Variants in ICA1L observed in about 807,000 individuals in gnomAD.
ICA1L encodes the protein islet cell autoantigen 1 like, also known as islet cell autoantigen 1-like protein.
In ICA1L, 50 loss-of-function variants were observed where a neutral mutation model predicts 61.3. The ratio of observed to expected loss-of-function variants is 0.82; its 90% confidence interval spans 0.65 to 1.03. The LOEUF (loss-of-function observed/expected upper bound fraction) is 1.03, where lower values mean the gene tolerates loss of function less well. Among genes scored for constraint, ICA1L ranks in the 50% least tolerant of loss-of-function variants. The pLI is 0.00. For synonymous variants in ICA1L, 161 were observed against 191.3 expected (o/e 0.84, Z 1.31); for missense variants, 508 against 556.7 (o/e 0.91, Z 0.88).
In ICA1L at chr2:202,774,059, T is replaced by C. The variant is rs1327779361; in HGVS notation, c.*5474A>G. On this transcript the variant is annotated 3_prime_UTR_variant, in exon 13 of 13. Coordinates refer to ENST00000358299, the MANE Select transcript of ICA1L (RefSeq NM_001288622.3). Reference sequence around the variant, plus strand: ...CTCCACTTCTTGCTTCTTTGATGTGTCATCCTAGCTGCCTAATATGATAAT... The same window carrying C: ...CTCCACTTCTTGCTTCTTTGATGTGCCATCCTAGCTGCCTAATATGATAAT... The C allele has an allele frequency of 3.1e-6, 3 of 958,810 alleles. No individual in the cohort carries two copies. The highest frequency in any genetic ancestry group is 3.3e-5 in the African/African-American group (2 of 60,734). The allele number at this position is 958,810 out of a possible 1,614,324, so 59.4% of individuals were successfully genotyped here.
At chr2:202,814,133 C>T (rs956749887) in intron 8 of ICA1L, among the ~76,000 whole-genome samples, 1 of 152,148 alleles carries the variant, frequency 6.6e-6, no homozygotes, top group Non-Finnish European at 1.5e-5. Flanking sequence ...AAACAAATTG[C>T]TAAGATCTGA....
At chr2:202,870,688 A>G (rs1330268123) in intron 1 of ICA1L, 1 of 152,202 alleles carries the variant, frequency 6.6e-6, no homozygotes, top group African/African-American at 2.4e-5. Flanking sequence ...CAATACATAA[A>G]TACTTTTGGG....
chr2:202,812,099 G>C (rs1357444260), intron 8 of ICA1L, among the ~76,000 whole-genome samples: 1 of 152,150 alleles, frequency 6.6e-6, no homozygotes, highest in Non-Finnish European at 1.5e-5. Flanking sequence ...TCATTTTCAA[G>C]CCTTGAAAGG....
chr2:202,844,420 A>G (rs1694413425), intron 1 of ICA1L: 1 of 152,172 alleles, frequency 6.6e-6, no homozygotes, highest in Non-Finnish European at 1.5e-5. Context: ...AAAATAAAAA[A>G]TAAACAAATA....
intron 5 of ICA1L, among the ~76,000 whole-genome samples, chr2:202,818,326 G>C (rs904895680): frequency 4.6e-5 from 7 of 152,102 alleles, no homozygotes; most frequent in African/African-American, 1.7e-4. Context: ...CAGAACTAGG[G>C]ACAAGCAAGG....
rs1559140629 is a variant in ICA1L, at chr2:202,828,980, T to C, written c.30A>G (p.Glu10=). 1 of 1,601,542 alleles carries C rather than the reference T, an allele frequency of 6.2e-7. No individual in the cohort carries two copies. The highest frequency in any genetic ancestry group is 1.7e-5 in the Admixed American group (1 of 58,474). ...TTCTTCTGACTACTGACTGATTATC[T>C]TCTGGTCTGGGTTGCCCAAAGGAAT... MDSFGQPRP[E]DNQSVVRRMQ... is the part of the protein sequence containing the mutation. Residue 10 remains glutamate, a synonymous_variant, in exon 2 of 13, where the codon GAA becomes GAG. Coordinates refer to ENST00000358299, the MANE Select transcript of ICA1L (RefSeq NM_001288622.3).
At chr2:202,857,923 C>A (rs1339541998) in intron 1 of ICA1L, among the ~76,000 whole-genome samples, 1 of 152,084 alleles carries the variant, frequency 6.6e-6, no homozygotes, top group Non-Finnish European at 1.5e-5. Flanking sequence ...CAGTGAGATA[C>A]CATCTCACGC....
chr2:202,794,602 A>G (rs1424796546), intron 10 of ICA1L, among the ~76,000 whole-genome samples: 1 of 152,178 alleles, frequency 6.6e-6, no homozygotes, highest in Non-Finnish European at 1.5e-5. Flanking sequence ...GATTATCTCT[A>G]TTTTCAGATG....
intron 1 of ICA1L, chr2:202,841,083 TG>T: frequency 1.6e-6 from 1 of 638,060 alleles, no homozygotes. Flanking sequence ...CTGCAGCTTC[TG>T]GATCTCCTCT....
chr2:202,857,019 A>C (rs1027478761), intron 1 of ICA1L, among the ~76,000 whole-genome samples: 3 of 152,240 alleles, frequency 2.0e-5, no homozygotes, highest in African/African-American at 7.2e-5. Flanking sequence ...AAGCTCATGG[A>C]TAGGAAGAAT....
chr2:202,867,953 G>A (rs1687568365), intron 1 of ICA1L, among the ~76,000 whole-genome samples: 4 of 152,202 alleles, frequency 2.6e-5, no homozygotes, highest in African/African-American at 9.6e-5. Context: ...TCTATTAACA[G>A]GTGAATAAAC....
chr2:202,803,592 T>C (rs1033217871), intron 9 of ICA1L, among the ~76,000 whole-genome samples: 9 of 152,126 alleles, frequency 5.9e-5, no homozygotes, highest in African/African-American at 2.2e-4. Context: ...TGGAGTGCAG[T>C]GGAGCAATCT....
At chr2:202,858,131 A>C (rs1400318306) in intron 1 of ICA1L, among the ~76,000 whole-genome samples, 5 of 152,210 alleles carry the variant, frequency 3.3e-5, no homozygotes, top group Non-Finnish European at 5.9e-5. Context: ...TATATACCCA[A>C]AGGATTATAA....
At chr2:202,839,161 A>G (rs1694240481) in intron 1 of ICA1L, among the ~76,000 whole-genome samples, 1 of 152,120 alleles carries the variant, frequency 6.6e-6, no homozygotes, top group Non-Finnish European at 1.5e-5. Context: ...ATTTGAATGG[A>G]ATCTTTTTCC....
At chr2:202,808,447 C>T (rs2105840578) in intron 9 of ICA1L, among the ~76,000 whole-genome samples, 1 of 151,738 alleles carries the variant, frequency 6.6e-6, no homozygotes, top group African/African-American at 2.4e-5. Context: ...GAATCGAGAA[C>T]CAAGTAGATT....
intron 9 of ICA1L, among the ~76,000 whole-genome samples, chr2:202,800,937 T>C (rs1251037482): frequency 1.3e-5 from 2 of 152,118 alleles, no homozygotes; most frequent in Admixed American, 6.5e-5. Context: ...TTCAGATACA[T>C]AATATAAAAA....
At chr2:202,796,258 A>G (rs1692923197) in intron 10 of ICA1L, among the ~76,000 whole-genome samples, 1 of 152,188 alleles carries the variant, frequency 6.6e-6, no homozygotes, top group Non-Finnish European at 1.5e-5. Flanking sequence ...TCCAGATCCA[A>G]TAAAAGAAAA....
At position 202,831,483 on chromosome 2, in the gene ICA1L, TA is replaced by T. The variant is rs955872631; in HGVS notation, c.-7-2468del. Among the ~76,000 whole-genome samples, 6 of 152,292 alleles carry T rather than the reference TA, an allele frequency of 3.9e-5. 1 individual carries two copies. ...GCAGTCCAACTATATGACAAACTGT[TA>T]ATCTCTTCTACTAAACTGACTGCAG... On this transcript the variant is annotated intron_variant, in intron 1 of 12. Coordinates refer to ENST00000358299, the MANE Select transcript of ICA1L (RefSeq NM_001288622.3).
intron 9 of ICA1L, among the ~76,000 whole-genome samples, chr2:202,798,653 T>C (rs993884684): frequency 3.3e-5 from 5 of 152,208 alleles, no homozygotes; most frequent in African/African-American, 1.2e-4. Flanking sequence ...GTGTTTGTCA[T>C]CTGAGTACAA....
Sources: allele counts gnomAD v4.1 joint callset (sites outside exome capture counted in the v4.1 genomes callset), GRCh38; gene constraint gnomAD v4.1.1; transcripts MANE v1.5; gene names NCBI Gene and HGNC (gene_info 2026-07-23, HGNC 2026-07-21).